Variants in PTPRM observed in about 807,000 individuals in gnomAD.
The protein encoded by PTPRM is receptor-type tyrosine-protein phosphatase mu.
A neutral mutation model predicts 186.7 loss-of-function variants in PTPRM; 47 were observed. That is an observed-to-expected ratio of 0.25 (90% CI 0.20 to 0.32). PTPRM has a LOEUF of 0.32. Ranked by LOEUF, PTPRM falls within the 10% of genes least tolerant of loss-of-function variation. The probability of loss-of-function intolerance (pLI) is 1.00; values close to 1 mark genes in which losing one functional copy is unlikely to be tolerated. For synonymous variants in PTPRM, 668 were observed against 674.9 expected, an observed-to-expected ratio of 0.99 and a Z score of 0.16; for missense variants, 1,494 against 1,865.0, an observed-to-expected ratio of 0.80 and a Z score of 3.66.
chr18:8,103,729 CA>C (rs2091395106), intron 11 of PTPRM, among the ~76,000 whole-genome samples: 2 of 152,198 alleles, frequency 1.3e-5, no homozygotes, highest in African/African-American at 4.8e-5. Flanking sequence ...ACTGGAGTAG[CA>C]CTTTTAATTT....
At chr18:8,168,165 C>T (rs550733954) in intron 14 of PTPRM, among the ~76,000 whole-genome samples, 25 of 152,244 alleles carry the variant, frequency 1.6e-4, no homozygotes, top group African/African-American at 4.8e-4. Context: ...TTTTACTTTA[C>T]GACAGTATTA....
At chr18:8,105,492 A>G (rs1404692295) in intron 11 of PTPRM, among the ~76,000 whole-genome samples, 2 of 152,248 alleles carry the variant, frequency 1.3e-5, no homozygotes, top group African/African-American at 4.8e-5. Flanking sequence ...AATAGAGTAG[A>G]TGTATTTGAG....
chr18:7,777,079 T>C lies in PTPRM; in HGVS notation c.196+2808T>C, dbSNP rs904400233. On this transcript the variant is annotated intron_variant, in intron 2 of 32. Coordinates refer to ENST00000580170, the MANE Select transcript of PTPRM (RefSeq NM_001105244.2). The stretch of plus-strand genomic sequence containing the variant: ...CATGCTAAAACAGAAATGACTCTTA[T>C]GAATTTCTCAGGGCAAATGGGTGGG... 7.9e-5 allele frequency among the ~76,000 whole-genome samples: 12 copies of C among 152,358 alleles called. No homozygotes were observed. The East Asian group carries it at 1.7e-3, about 22-fold the overall frequency.
chr18:7,738,669 C>T lies in PTPRM; in HGVS notation c.74-35480C>T, dbSNP rs185185152. ...TGTTAGCCAGGATGGTCTCGATCTC[C>T]TGACCTCGAGATCCACCCGCCTCGG... On this transcript the variant is annotated intron_variant, in intron 1 of 32. Coordinates refer to ENST00000580170, the MANE Select transcript of PTPRM (RefSeq NM_001105244.2). Among the ~76,000 whole-genome samples the T allele has an allele frequency of 5.9e-5, 9 of 151,672 alleles. No homozygotes were observed. In the East Asian group the frequency reaches 1.8e-3, roughly 30 times the overall value.
chr18:7,963,990 A>G (rs1213990884), intron 7 of PTPRM, among the ~76,000 whole-genome samples: 3 of 152,202 alleles, frequency 2.0e-5, no homozygotes, highest in Non-Finnish European at 4.4e-5. Flanking sequence ...CAATTCTTAA[A>G]GAGACCCCAG....
Position 7,888,206 on chromosome 18 carries a change from T to C in PTPRM, c.297T>C (p.Phe99=), listed in dbSNP as rs144420909. 1.2e-6 allele frequency: 2 copies of C among 1,614,160 alleles called. No homozygotes were observed. The highest frequency in any genetic ancestry group is 8.5e-7 in the Non-Finnish European group (1 of 1,180,024). The stretch of plus-strand genomic sequence containing the variant: ...AAAATGACACCCACTGCATCGATTT[T>C]CACTATTTTGTGTCCAGCAAGAGTA... ...LKENDTHCID[F]HYFVSSKSNS... The change falls in exon 3 of 33, where the codon TTT becomes TTC. Residue 99 remains phenylalanine, a synonymous_variant. Transcript: ENST00000580170.
intron 2 of PTPRM, among the ~76,000 whole-genome samples, chr18:7,846,944 T>A (rs2046626170): frequency 6.6e-6 from 1 of 152,058 alleles, no homozygotes; most frequent in Non-Finnish European, 1.5e-5. Context: ...TACCCTTTAT[T>A]TGATTTCTCT....
intron 7 of PTPRM, among the ~76,000 whole-genome samples, chr18:7,986,723 GGAGGTCT>G (rs1203857445): frequency 1.3e-5 from 2 of 152,196 alleles, no homozygotes; most frequent in African/African-American, 4.8e-5. Flanking sequence ...CATTTATAAT[GGAGGTCT>G]GAGTTGGTGT....
At chr18:7,722,931 A>G (rs1311546526) in intron 1 of PTPRM, among the ~76,000 whole-genome samples, 2 of 152,354 alleles carry the variant, frequency 1.3e-5, no homozygotes, top group African/African-American at 2.4e-5. Context: ...GCACTATGTA[A>G]CTAAACTCAG....
chr18:7,941,619 T>C (rs1303796299), intron 5 of PTPRM, among the ~76,000 whole-genome samples: 1 of 152,244 alleles, frequency 6.6e-6, no homozygotes, highest in Non-Finnish European at 1.5e-5. Context: ...TCTATGACTA[T>C]CAAAGGCAGG....
chr18:8,284,393 C>A (rs1314113763), intron 19 of PTPRM, among the ~76,000 whole-genome samples: 2 of 152,186 alleles, frequency 1.3e-5, no homozygotes, highest in African/African-American at 4.8e-5. Context: ...CTAAATACAA[C>A]TTCTGGCAAC....
At chr18:7,998,449 C>G (rs2083670848) in intron 7 of PTPRM, among the ~76,000 whole-genome samples, 1 of 152,086 alleles carries the variant, frequency 6.6e-6, no homozygotes. Flanking sequence ...CAAAATATTA[C>G]ATGTACTCCA....
intron 22 of PTPRM, among the ~76,000 whole-genome samples, chr18:8,341,691 C>CG (rs1555879317): frequency 3.2e-4 from 49 of 151,926 alleles, no homozygotes; most frequent in Admixed American, 2.6e-4. Context: ...AGCCCCCCCC[C>CG]CTTTGATTCA....
At chr18:7,719,247 A>G (rs1039791080) in intron 1 of PTPRM, among the ~76,000 whole-genome samples, 2 of 152,226 alleles carry the variant, frequency 1.3e-5, no homozygotes, top group Admixed American at 6.5e-5. Context: ...CTTTGCAGCA[A>G]TTTGGAGTTG....
intron 1 of PTPRM, among the ~76,000 whole-genome samples, chr18:7,712,761 C>T (rs774981075): frequency 7.3e-5 from 11 of 151,320 alleles, no homozygotes; most frequent in Admixed American, 2.0e-4. Flanking sequence ...AGCGGAAGAA[C>T]GGGTATCAGA....
chr18:8,006,567 G>A (rs1422588506), intron 7 of PTPRM, among the ~76,000 whole-genome samples: 1 of 152,112 alleles, frequency 6.6e-6, no homozygotes, highest in Non-Finnish European at 1.5e-5. Flanking sequence ...GCTTTTCCCG[G>A]GAGTGGAATT....
intron 2 of PTPRM, among the ~76,000 whole-genome samples, chr18:7,861,385 C>T (rs1375722768): frequency 6.6e-6 from 1 of 151,990 alleles, no homozygotes; most frequent in Admixed American, 6.6e-5. Context: ...GTGAGACTAA[C>T]AATTACTCAC....
At chr18:7,596,106 C>T (rs2037251339) in intron 1 of PTPRM, among the ~76,000 whole-genome samples, 2 of 152,200 alleles carry the variant, frequency 1.3e-5, no homozygotes, top group South Asian at 4.1e-4. Flanking sequence ...CAACCCCAGT[C>T]TGAAGCTACT....
At chr18:7,839,879 T>A (rs950716346) in intron 2 of PTPRM, among the ~76,000 whole-genome samples, 2 of 152,074 alleles carry the variant, frequency 1.3e-5, no homozygotes, top group Admixed American at 6.6e-5. Flanking sequence ...GACTGGTGAT[T>A]CCCCTCTTCC....
Sources: allele counts gnomAD v4.1 joint callset (sites outside exome capture counted in the v4.1 genomes callset), GRCh38; gene constraint gnomAD v4.1.1; transcripts MANE v1.5; gene names NCBI Gene and HGNC (gene_info 2026-07-23, HGNC 2026-07-21).